The following CNTN5 variants were observed in gnomAD, a reference collection of about 807,000 sequenced individuals.
The protein encoded by CNTN5 is contactin-5.
In CNTN5, 77 loss-of-function variants were observed where a neutral mutation model predicts 129.1. The observed-to-expected ratio is 0.60, with a 90% CI of 0.50 to 0.72. The LOEUF (loss-of-function observed/expected upper bound fraction) is 0.72, where lower values mean the gene tolerates loss of function less well. Among genes scored for constraint, CNTN5 ranks in the 30% least tolerant of loss-of-function variants. CNTN5 has a pLI of 0.00. For synonymous variants in CNTN5, 509 were observed against 465.6 expected, an observed-to-expected ratio of 1.09 and a Z score of -1.20; for missense variants, 1,478 against 1,328.8, an observed-to-expected ratio of 1.11 and a Z score of -1.75.
At chr11:99,638,477 C>T (rs1217859258) in intron 3 of CNTN5, among the ~76,000 whole-genome samples, 1 of 152,048 alleles carries the variant, frequency 6.6e-6, no homozygotes, top group Non-Finnish European at 1.5e-5. Flanking sequence ...GGGCATTAAC[C>T]CAAAAGTCCA....
intron 1 of CNTN5, among the ~76,000 whole-genome samples, chr11:99,205,624 T>A (rs1859440956): frequency 6.6e-6 from 1 of 152,176 alleles, no homozygotes; most frequent in African/African-American, 2.4e-5. Context: ...CTGCATTGTA[T>A]ACTTGAAATT....
chr11:99,990,445 T>TACACACACAC (rs1318603192), intron 8 of CNTN5, among the ~76,000 whole-genome samples: 3 of 81,314 alleles, frequency 3.7e-5, no homozygotes, highest in African/African-American at 1.1e-4. Flanking sequence ...ATTTTTAGAA[T>TACACACACAC]ATATATATAT....
chr11:99,682,900 T>C (rs1312060157), intron 3 of CNTN5, among the ~76,000 whole-genome samples: 1 of 151,988 alleles, frequency 6.6e-6, no homozygotes, highest in Non-Finnish European at 1.5e-5. Flanking sequence ...ATTACTGATA[T>C]CTGTGCACTA....
intron 24 of CNTN5, among the ~76,000 whole-genome samples, chr11:100,351,911 T>A (rs1159764587): frequency 6.6e-6 from 1 of 151,608 alleles, no homozygotes; most frequent in Non-Finnish European, 1.5e-5. Flanking sequence ...CTTGTGATTT[T>A]TTTTTTTATG....
At chr11:99,857,743 A>G (rs1021454476) in intron 6 of CNTN5, among the ~76,000 whole-genome samples, 2 of 152,146 alleles carry the variant, frequency 1.3e-5, no homozygotes, top group African/African-American at 4.8e-5. Context: ...TTTTAAAAAA[A>G]CTGATTTTAG....
chr11:100,286,855 T>C lies in CNTN5; in HGVS notation c.2315-10770T>C, dbSNP rs868472666. On this transcript the variant is annotated intron_variant, in intron 18 of 24. Transcript: ENST00000524871. ...CCAAAGGCAAGGAAGTTGAAAACTT[T>C]GAAAAAAATTTAGAAGAATGTATAA... Among the ~76,000 whole-genome samples the C allele has an allele frequency of 1.1e-4, 17 of 151,264 alleles. No homozygotes were observed. In the South Asian group the frequency reaches 1.3e-3, roughly 11 times the overall value.
At chr11:99,262,562 C>CA (rs1862687088) in intron 1 of CNTN5, among the ~76,000 whole-genome samples, 1 of 150,216 alleles carries the variant, frequency 6.7e-6, no homozygotes, top group African/African-American at 2.4e-5. Flanking sequence ...TCTTCTGAGC[C>CA]AAAAAACATG....
Position 99,679,578 on chromosome 11 carries a change from T to A in CNTN5, c.55+123309T>A, listed in dbSNP as rs139536690. Among the ~76,000 whole-genome samples the A allele has an allele frequency of 1.4e-3, 213 of 152,286 alleles. 1 individual carries two copies. The highest frequency in any genetic ancestry group is 4.8e-3 in the African/African-American group (201 of 41,568). ...TGTAAAAATTGCTGAACACTGCATG[T>A]GTTCTGACTGCTCCACTGCAGGCCA... is the stretch of plus-strand genomic sequence containing the variant. On this transcript the variant is annotated intron_variant, in intron 3 of 24. Coordinates refer to ENST00000524871, the MANE Select transcript of CNTN5 (RefSeq NM_014361.4).
At chr11:99,678,039 T>C (rs568717160) in intron 3 of CNTN5, among the ~76,000 whole-genome samples, 7 of 152,262 alleles carry the variant, frequency 4.6e-5, no homozygotes, top group African/African-American at 1.7e-4. Context: ...CCTTTGTCTT[T>C]ATGATTTTTG....
At chr11:100,079,737 G>T (rs1185846073) in intron 13 of CNTN5, among the ~76,000 whole-genome samples, 1 of 151,964 alleles carries the variant, frequency 6.6e-6, no homozygotes, top group Non-Finnish European at 1.5e-5. Context: ...TTAGGTTCCT[G>T]TATCAATCAT....
At chr11:100,054,147 A>G (rs1943099108) in intron 9 of CNTN5, among the ~76,000 whole-genome samples, 1 of 151,672 alleles carries the variant, frequency 6.6e-6, no homozygotes, top group Non-Finnish European at 1.5e-5. Context: ...CTCATGGTAA[A>G]GGCAAGGGTC....
At position 100,251,917 on chromosome 11, in the gene CNTN5, C is replaced by A. The variant is rs534114046; in HGVS notation, c.2006-3843C>A. Reference sequence around the variant, plus strand: ...GTCTCTGATATACTGACTTCCTTTTCTTTGGATACATGCATAATAGTGGAA... The same window carrying A: ...GTCTCTGATATACTGACTTCCTTTTATTTGGATACATGCATAATAGTGGAA... On this transcript the variant is annotated intron_variant, in intron 16 of 24. Coordinates refer to ENST00000524871, the MANE Select transcript of CNTN5 (RefSeq NM_014361.4). Among the ~76,000 whole-genome samples the A allele has an allele frequency of 2.3e-3, 356 of 152,202 alleles. 2 individuals carry two copies. Among genetic ancestry groups the A allele is most frequent in the African/African-American group, 8.1e-3 (338 of 41,538 alleles).
At chr11:99,973,234 A>T (rs527644010) in intron 8 of CNTN5, among the ~76,000 whole-genome samples, 4 of 152,164 alleles carry the variant, frequency 2.6e-5, no homozygotes, top group Admixed American at 1.3e-4. Context: ...CTGACATTTT[A>T]TCTCAATTAG....
At chr11:99,403,884 C>G (rs1320892315) in intron 2 of CNTN5, among the ~76,000 whole-genome samples, 1 of 151,998 alleles carries the variant, frequency 6.6e-6, no homozygotes, top group African/African-American at 2.4e-5. Flanking sequence ...TGTCTATAGT[C>G]AAGATTAAGT....
At chr11:100,003,280 A>G (rs748461003) in intron 9 of CNTN5, among the ~76,000 whole-genome samples, 26 of 152,280 alleles carry the variant, frequency 1.7e-4, no homozygotes, top group Middle Eastern at 6.8e-3. Context: ...AAATGTATCT[A>G]GGAGGTATTT....
intron 1 of CNTN5, among the ~76,000 whole-genome samples, chr11:99,097,549 C>T (rs1397174852): frequency 2.0e-5 from 3 of 151,762 alleles, no homozygotes; most frequent in Non-Finnish European, 4.4e-5. Flanking sequence ...AACATCCGTG[C>T]ATTTACAGAG....
intron 2 of CNTN5, among the ~76,000 whole-genome samples, chr11:99,382,007 C>G (rs1184116620): frequency 6.9e-6 from 1 of 145,128 alleles, no homozygotes; most frequent in African/African-American, 2.6e-5. Flanking sequence ...CAAATCAACA[C>G]AAAAAACTGC....
intron 3 of CNTN5, among the ~76,000 whole-genome samples, chr11:99,793,305 T>C (rs1044650586): frequency 3.9e-5 from 6 of 152,144 alleles, no homozygotes; most frequent in Non-Finnish European, 7.4e-5. Context: ...GTGATCCACC[T>C]GCCTCGGCCT....
At chr11:100,051,426 T>G (rs1179047878) in intron 9 of CNTN5, among the ~76,000 whole-genome samples, 2 of 151,850 alleles carry the variant, frequency 1.3e-5, no homozygotes, top group Non-Finnish European at 2.9e-5. Flanking sequence ...CAAAAGAAAG[T>G]AGAAAATATT....
Sources: gnomAD v4.1 joint callset for allele counts (sites outside exome capture counted in the v4.1 genomes callset) on GRCh38, gnomAD v4.1.1 for gene constraint, MANE v1.5 for transcripts, NCBI Gene and HGNC (gene_info 2026-07-23, HGNC 2026-07-21) for gene names.